NEO1: variants seen among roughly 807,000 people sequenced by gnomAD.
NEO1 encodes the protein neogenin 1.
A neutral mutation model predicts 159.7 loss-of-function variants in NEO1; 63 were observed. The observed-to-expected ratio is 0.39, with a 90% CI of 0.32 to 0.49. The LOEUF (loss-of-function observed/expected upper bound fraction) is 0.49, where lower values mean the gene tolerates loss of function less well. Ranked by LOEUF, NEO1 falls within the 20% of genes least tolerant of loss-of-function variation. NEO1 has a pLI of 0.85. For synonymous variants in NEO1, 633 were observed against 662.0 expected, an observed-to-expected ratio of 0.96 and a Z score of 0.67; for missense variants, 1,615 against 1,831.0, an observed-to-expected ratio of 0.88 and a Z score of 2.15.
At chr15:73,242,693 T>C (rs1042172619) in intron 8 of NEO1, among the ~76,000 whole-genome samples, 5 of 152,012 alleles carry the variant, frequency 3.3e-5, no homozygotes, top group Admixed American at 3.3e-4. Context: ...AAAAAAATCT[T>C]AAGAGAAACT....
intron 1 of NEO1, among the ~76,000 whole-genome samples, chr15:73,064,661 C>T (rs556722919): frequency 6.6e-6 from 1 of 152,068 alleles, no homozygotes; most frequent in South Asian, 2.1e-4. Context: ...GAAACAAGAT[C>T]TTACTATATT....
At position 73,122,805 on chromosome 15, in the gene NEO1, T is replaced by G; in HGVS notation, c.724+5T>G. On this transcript the variant is annotated splice_donor_5th_base_variant and intron_variant, in intron 3 of 28. Coordinates refer to ENST00000261908, the MANE Select transcript of NEO1 (RefSeq NM_002499.4). The stretch of plus-strand genomic sequence containing the variant: ...TTGAATTGAAGGTTCTTCCAGGTAT[T>G]AACTCATTATCAGGACTGATGGTTT... The G allele has an allele frequency of 1.2e-6, 2 of 1,613,850 alleles. No individual in the cohort carries two copies. The highest frequency in any genetic ancestry group is 1.7e-6 in the Non-Finnish European group (2 of 1,179,742).
intron 1 of NEO1, among the ~76,000 whole-genome samples, chr15:73,107,494 T>C (rs1427766822): frequency 1.3e-5 from 2 of 152,216 alleles, no homozygotes; most frequent in Non-Finnish European, 2.9e-5. Flanking sequence ...TACTGTGATA[T>C]AACATTTGGT....
chr15:73,248,647 G>A (rs1414029283), intron 9 of NEO1, among the ~76,000 whole-genome samples: 1 of 152,154 alleles, frequency 6.6e-6, no homozygotes, highest in Admixed American at 6.5e-5. Context: ...AAATCTGTTA[G>A]CACTTACGAC....
At chr15:73,061,869 T>G (rs2067996213) in intron 1 of NEO1, among the ~76,000 whole-genome samples, 1 of 152,232 alleles carries the variant, frequency 6.6e-6, no homozygotes, top group African/African-American at 2.4e-5. Context: ...TGTATAAATT[T>G]ATGAGTTGTG....
At chr15:73,131,160 A>G (rs1473023881) in intron 4 of NEO1, among the ~76,000 whole-genome samples, 1 of 152,202 alleles carries the variant, frequency 6.6e-6, no homozygotes, top group African/African-American at 2.4e-5. Context: ...AGTACCTAAA[A>G]TATCCAGGTT....
intron 3 of NEO1, 56 bp from the exon 4 acceptor site, chr15:73,126,361 T>C (rs1212866230): frequency 1.3e-6 from 2 of 1,487,514 alleles, no homozygotes; most frequent in East Asian, 4.5e-5. Flanking sequence ...TGAGCCACCA[T>C]GTCCAGCCTG....
At chr15:73,098,795 G>A (rs1445953050) in intron 1 of NEO1, among the ~76,000 whole-genome samples, 2 of 152,016 alleles carry the variant, frequency 1.3e-5, no homozygotes, top group Non-Finnish European at 2.9e-5. Flanking sequence ...TAGGTAAAAG[G>A]GTAAATGCAT....
chr15:73,262,765 T>TAA (rs2040682786), intron 15 of NEO1, among the ~76,000 whole-genome samples: 1 of 152,210 alleles, frequency 6.6e-6, no homozygotes, highest in Non-Finnish European at 1.5e-5. Context: ...CATGTCTGTG[T>TAA]AAAAGCTTAT....
At chr15:73,082,955 A>G (rs2069148549) in intron 1 of NEO1, among the ~76,000 whole-genome samples, 1 of 152,210 alleles carries the variant, frequency 6.6e-6, no homozygotes, top group Non-Finnish European at 1.5e-5. Context: ...GTGTGTCTGT[A>G]TCCCTTTAAA....
chr15:73,067,201 T>C (rs969871218), intron 1 of NEO1, among the ~76,000 whole-genome samples: 4 of 152,222 alleles, frequency 2.6e-5, no homozygotes, highest in Non-Finnish European at 5.9e-5. Flanking sequence ...TCTGTTTTCA[T>C]ATACACAGTA....
chr15:73,280,002 A>G (rs905013694), intron 22 of NEO1, among the ~76,000 whole-genome samples: 5 of 152,310 alleles, frequency 3.3e-5, no homozygotes, highest in Non-Finnish European at 5.9e-5. Context: ...TACAAATAAC[A>G]TGTGAAATAT....
intron 26 of NEO1, among the ~76,000 whole-genome samples, chr15:73,296,220 A>G (rs1027598676): frequency 6.6e-6 from 1 of 152,140 alleles, no homozygotes; most frequent in African/African-American, 2.4e-5. Context: ...CTGACCTAAC[A>G]TATCTGTCAG....
intron 5 of NEO1, among the ~76,000 whole-genome samples, chr15:73,147,188 T>G (rs1274670195): frequency 1.3e-5 from 2 of 152,236 alleles, no homozygotes; most frequent in Admixed American, 1.3e-4. Context: ...AGGAATATCC[T>G]TGATACAGTG....
chr15:73,166,790 C>T (rs749408769), intron 5 of NEO1, among the ~76,000 whole-genome samples: 1 of 152,112 alleles, frequency 6.6e-6, no homozygotes, highest in Non-Finnish European at 1.5e-5. Context: ...CAAAGATATT[C>T]AGTCCTCAGT....
rs536624236 is a variant in NEO1, at chr15:73,127,430, A to T, written c.878+860A>T. 7.2e-4 allele frequency among the ~76,000 whole-genome samples: 110 copies of T among 152,248 alleles called. 1 individual carries two copies. The highest frequency in any genetic ancestry group is 2.6e-3 in the African/African-American group (108 of 41,544). On this transcript the variant is annotated intron_variant, in intron 4 of 28. Transcript: ENST00000261908. The stretch of plus-strand genomic sequence containing the variant: ...AGATGTGGGGTGGTGGTAGGTAGGT[A>T]TGTTTTTGCTTCCAAAATAATGCTG...
At chr15:73,090,427 G>C (rs1187379470) in intron 1 of NEO1, among the ~76,000 whole-genome samples, 1 of 152,118 alleles carries the variant, frequency 6.6e-6, no homozygotes, top group Admixed American at 6.5e-5. Context: ...TGAGAGACAG[G>C]AGTTAAAAAT....
intron 18 of NEO1, among the ~76,000 whole-genome samples, chr15:73,270,687 G>A (rs1343211102): frequency 6.6e-6 from 1 of 152,212 alleles, no homozygotes; most frequent in Non-Finnish European, 1.5e-5. Context: ...AGATGTAAGG[G>A]ATTATTGCCA....
At chr15:73,253,377 T>A (rs1244888465) in intron 11 of NEO1, 23 bp from the exon 12 acceptor site, 12 of 1,487,662 alleles carry the variant, frequency 8.1e-6, no homozygotes, top group South Asian at 2.7e-5. Context: ...AAAAAAATTT[T>A]TTTTTTTTTT....
Sources: gnomAD v4.1 joint callset for allele counts (sites outside exome capture counted in the v4.1 genomes callset) on GRCh38, gnomAD v4.1.1 for gene constraint, MANE v1.5 for transcripts, NCBI Gene and HGNC (gene_info 2026-07-23, HGNC 2026-07-21) for gene names.